Variants in LAMA2 observed in about 807,000 individuals in gnomAD.
LAMA2 encodes laminin subunit alpha 2, also known as laminin subunit alpha-2.
A neutral mutation model predicts 364.8 loss-of-function variants in LAMA2; 269 were observed. That is an observed-to-expected ratio of 0.74 (90% CI 0.67 to 0.82). The LOEUF (loss-of-function observed/expected upper bound fraction) is 0.82. LAMA2 is among the 40% of genes least tolerant of loss of function. The pLI is 0.00. For synonymous variants in LAMA2, 1,379 were observed against 1,370.6 expected (o/e 1.01, Z -0.14); for missense variants, 3,807 against 3,873.2 (o/e 0.98, Z 0.45).
At chr6:128,981,579 CAA>C (rs145266584) in intron 1 of LAMA2, among the ~76,000 whole-genome samples, 60,326 of 118,402 alleles carry the variant, frequency 0.51, 15,944 homozygotes, top group East Asian at 0.76. Flanking sequence ...CCATCTCTAC[CAA>C]AAAAAAAAAA....
chr6:128,966,667 A>G (rs1027905837), intron 1 of LAMA2, among the ~76,000 whole-genome samples: 3 of 152,162 alleles, frequency 2.0e-5, no homozygotes, highest in Non-Finnish European at 4.4e-5. Flanking sequence ...TGTTGTCTCA[A>G]TGCTAAATAT....
chr6:129,449,349 T>A (rs1485249756), intron 45 of LAMA2, among the ~76,000 whole-genome samples: 4 of 152,214 alleles, frequency 2.6e-5, no homozygotes, highest in African/African-American at 9.6e-5. Context: ...GACCTGTTTT[T>A]ATGCTTCCAA....
At chr6:129,265,947 T>C (rs1787482057) in intron 15 of LAMA2, among the ~76,000 whole-genome samples, 1 of 152,174 alleles carries the variant, frequency 6.6e-6, no homozygotes, top group African/African-American at 2.4e-5. Flanking sequence ...TTTTCAGATA[T>C]AAAGTATCAG....
intron 1 of LAMA2, among the ~76,000 whole-genome samples, chr6:129,032,442 C>T (rs757593445): frequency 6.6e-6 from 1 of 152,004 alleles, no homozygotes; most frequent in East Asian, 1.9e-4. Flanking sequence ...AGTGAAGGAG[C>T]GTTAAGGAAC....
intron 1 of LAMA2, among the ~76,000 whole-genome samples, chr6:128,910,285 G>A (rs1488371497): frequency 3.3e-5 from 5 of 152,124 alleles, no homozygotes; most frequent in Non-Finnish European, 4.4e-5. Context: ...AATCAGACGT[G>A]GATTTGGTCT....
intron 10 of LAMA2, among the ~76,000 whole-genome samples, chr6:129,178,265 C>T (rs1780731440): frequency 6.6e-6 from 1 of 152,078 alleles, no homozygotes. Context: ...AAATAATCTT[C>T]TAAAGTTTGA....
rs1213658446 is a variant in LAMA2 at position 128,961,353 on chromosome 6, ATATATATATATATATT to A, written c.112+77997_112+78012del. Among the ~76,000 whole-genome samples, 24 of 73,834 alleles carry A rather than the reference ATATATATATATATATT, an allele frequency of 3.3e-4. 4 individuals are homozygous for A. Among genetic ancestry groups the A allele is most frequent in the African/African-American group, 1.1e-3 (21 of 19,192 alleles). The allele number at this position is 73,834 out of a possible 152,430, so 48.4% of individuals were successfully genotyped here. On this transcript the variant is annotated intron_variant, in intron 1 of 64. Transcript: ENST00000421865. ...TATATATATATATATATATATATAT[ATATATATATATATATT>A]AGTTTATTAAGTATTAACTTATACG...
Position 129,158,049 on chromosome 6 carries a change from A to G in LAMA2, c.1206+3366A>G, listed in dbSNP as rs1249369142. 3.1e-6 allele frequency: 5 copies of G among 1,612,400 alleles called. No individual in the cohort carries two copies. The African/African-American group carries it at 5.3e-5, about 17-fold the overall frequency. On this transcript the variant is annotated intron_variant, in intron 8 of 64. Transcript: ENST00000421865. ...TTTGCTCTTTAGGTCTCGATGAGCA[A>G]TTGCGGGCTTTCCTTGGGTGCCATA...
chr6:128,968,841 C>A lies in LAMA2; in HGVS notation c.113-81077C>A, dbSNP rs543304321. 3.3e-5 allele frequency among the ~76,000 whole-genome samples: 5 copies of A among 152,136 alleles called. No homozygotes were observed. In the South Asian group the frequency reaches 1.0e-3, roughly 32 times the overall value. On this transcript the variant is annotated intron_variant, in intron 1 of 64. Transcript: ENST00000421865. The stretch of plus-strand genomic sequence containing the variant: ...CCTTGTACATGTAGGAGTCAGATCA[C>A]GTGGGACCTTGTGCTTCGTTTGAAT...
intron 1 of LAMA2, among the ~76,000 whole-genome samples, chr6:129,047,292 C>T (rs1787585460): frequency 6.6e-6 from 1 of 152,152 alleles, no homozygotes; most frequent in Non-Finnish European, 1.5e-5. Flanking sequence ...TTTAATATTT[C>T]TCTAACCAAC....
In LAMA2 at chr6:129,502,675, A is replaced by G. The variant is rs139455685; in HGVS notation, c.8261A>G (p.Glu2754Gly). Residue 2754 changes from glutamate (E) to glycine (G), a missense_variant, in exon 59 of 65, where the codon GAA becomes GGA. Physicochemically the swap from Glu to Gly is moderately conservative, Grantham distance 98. This residue lies in a region of LAMA2 where 3,333 missense variants were observed against 3,345.7 expected (regional missense o/e 1.00). Transcript: ENST00000421865. ...PVLTHGPCAA[E>G]SEPALLIGSK... ...ATTTTACAGGGTCCTTGTGCTGCAG[A>G]ATCAGAACCAGCTCTTTTGATAGGG... The G allele has an allele frequency of 5.6e-6, 9 of 1,613,528 alleles. No homozygotes were observed. In the African/African-American group the frequency reaches 1.2e-4, roughly 22 times the overall value.
intron 9 of LAMA2, among the ~76,000 whole-genome samples, chr6:129,173,525 T>C (rs1780358628): frequency 6.6e-6 from 1 of 152,178 alleles, no homozygotes; most frequent in Non-Finnish European, 1.5e-5. Flanking sequence ...CAATTACATA[T>C]CTTTGAAATC....
intron 3 of LAMA2, among the ~76,000 whole-genome samples, chr6:129,085,042 G>T (rs1427997411): frequency 6.6e-6 from 1 of 152,236 alleles, no homozygotes; most frequent in Non-Finnish European, 1.5e-5. Flanking sequence ...CAGACAGACT[G>T]CCCAGGAAGC....
chr6:129,352,087 T>C (rs1776882388), intron 31 of LAMA2, among the ~76,000 whole-genome samples: 1 of 152,200 alleles, frequency 6.6e-6, no homozygotes, highest in Non-Finnish European at 1.5e-5. Context: ...TGAACAAAAA[T>C]TCTAACTGTT....
chr6:129,252,378 T>G (rs1380621325), intron 14 of LAMA2, 83 bp downstream of exon 14: 1 of 976,084 alleles, frequency 1.0e-6, no homozygotes, highest in Non-Finnish European at 1.6e-6. Flanking sequence ...GTGAATTTTT[T>G]AAGGCACCTA....
chr6:129,509,780 G>A (rs953005621), intron 62 of LAMA2, among the ~76,000 whole-genome samples: 10 of 152,188 alleles, frequency 6.6e-5, no homozygotes, highest in African/African-American at 9.6e-5. Context: ...TTTGAAGTCC[G>A]GTAATGTAAT....
intron 1 of LAMA2, among the ~76,000 whole-genome samples, chr6:128,923,793 A>G (rs1778906052): frequency 6.6e-6 from 1 of 152,170 alleles, no homozygotes; most frequent in Non-Finnish European, 1.5e-5. Context: ...TTTATTTCTC[A>G]ATGATGCAAT....
At chr6:129,232,519 T>C (rs1784727193) in intron 12 of LAMA2, among the ~76,000 whole-genome samples, 1 of 152,120 alleles carries the variant, frequency 6.6e-6, no homozygotes, top group Admixed American at 6.6e-5. Context: ...TCTCCATATT[T>C]ACCTTCCCCC....
At chr6:128,925,282 A>G (rs1330659795) in intron 1 of LAMA2, among the ~76,000 whole-genome samples, 1 of 152,240 alleles carries the variant, frequency 6.6e-6, no homozygotes, top group Non-Finnish European at 1.5e-5. Context: ...ACAGACGAAT[A>G]GATAAATAAA....
Sources: gnomAD v4.1 joint callset for allele counts (sites outside exome capture counted in the v4.1 genomes callset) on GRCh38, gnomAD v4.1.1 for gene constraint, gnomAD v4.1.1 regional missense constraint, MANE v1.5 for transcripts, NCBI Gene and HGNC (gene_info 2026-07-23, HGNC 2026-07-21) for gene names.